SV2B: variants seen among roughly 807,000 people sequenced by gnomAD.
SV2B encodes the protein synaptic vesicle glycoprotein 2B, also known as solute carrier family 22 member B2.
In SV2B, 41 loss-of-function variants were observed where a neutral mutation model predicts 73.9. The ratio of observed to expected loss-of-function variants is 0.56; its 90% confidence interval spans 0.43 to 0.72. SV2B has a LOEUF of 0.72. Ranked by LOEUF, SV2B falls within the 30% of genes least tolerant of loss-of-function variation. The pLI is 0.00. For synonymous variants in SV2B, 314 were observed against 314.2 expected, an observed-to-expected ratio of 1.00 and a Z score of 0.01; for missense variants, 764 against 857.8, an observed-to-expected ratio of 0.89 and a Z score of 1.37.
intron 1 of SV2B, among the ~76,000 whole-genome samples, chr15:91,222,442 T>C (rs1355702606): frequency 6.6e-6 from 1 of 152,220 alleles, no homozygotes; most frequent in Admixed American, 6.5e-5. Context: ...TGTGTTGTTT[T>C]AATCTAACTC....
intron 1 of SV2B, among the ~76,000 whole-genome samples, chr15:91,138,251 C>T (rs72764726): frequency 0.11 from 17,122 of 152,268 alleles, 1,026 homozygotes; most frequent in Non-Finnish European, 0.12. Context: ...TGTATCTGCA[C>T]AGTCTAACGT....
chr15:91,226,088 G>A lies in SV2B; in HGVS notation c.-176G>A. ...TTTAGGTTGTCTTTGCACAAATCTG[G>A]TTGATTTGAGAGATAAAGGGGGGGG... On this transcript the variant is annotated 5_prime_UTR_variant, in exon 2 of 13. Transcript: ENST00000394232. The A allele has an allele frequency of 1.6e-6, 1 of 637,376 alleles. No individual in the cohort carries two copies. The highest frequency in any genetic ancestry group is 2.1e-5 in the South Asian group (1 of 47,320). The allele number at this position is 637,376 out of a possible 1,614,324, so 39.5% of individuals were successfully genotyped here.
intron 1 of SV2B, among the ~76,000 whole-genome samples, chr15:91,211,937 A>G (rs1596594451): frequency 1.3e-5 from 2 of 150,394 alleles, no homozygotes; most frequent in Admixed American, 6.7e-5. Flanking sequence ...CACTGCACCC[A>G]GATGTTCAGT....
intron 2 of SV2B, among the ~76,000 whole-genome samples, chr15:91,248,462 A>G (rs2078874): frequency 0.16 from 23,688 of 152,276 alleles, 1,878 homozygotes; most frequent in Non-Finnish European, 0.18. Context: ...CATTTTTAAA[A>G]AATTAATTTA....
Position 91,161,157 on chromosome 15 carries a change from A to G in SV2B, c.-392+60794A>G, listed in dbSNP as rs560747544. On this transcript the variant is annotated intron_variant, in intron 1 of 12. Transcript: ENST00000394232. ...CTTGGGGGCTGGAAAGACAGCAGAA[A>G]GTGACTGCAAACAGGCATGATGGAA... 4.6e-5 allele frequency among the ~76,000 whole-genome samples: 7 copies of G among 152,340 alleles called. No individual in the cohort carries two copies. The South Asian group carries it at 1.4e-3, about 32-fold the overall frequency.
At chr15:91,273,896 T>C (rs2048398408) in intron 9 of SV2B, among the ~76,000 whole-genome samples, 1 of 152,200 alleles carries the variant, frequency 6.6e-6, no homozygotes, top group South Asian at 2.1e-4. Flanking sequence ...ATGTGTATCA[T>C]AAACATTGTA....
In SV2B at chr15:91,268,695, A is replaced by G. The variant is rs2141691455; in HGVS notation, c.1373+90A>G. On this transcript the variant is annotated intron_variant, in intron 9 of 12. Transcript: ENST00000394232. This position sits in a 1 kb window ranked among gnomAD's most constrained non-coding sequence, Gnocchi z 4.4. Reference sequence around the variant, plus strand: ...GGAGCCGGAGGGAAGATAAGAATCAAATATGGCCGGGAATGAGCGCCAAGG... The same window carrying G: ...GGAGCCGGAGGGAAGATAAGAATCAGATATGGCCGGGAATGAGCGCCAAGG... The G allele has an allele frequency of 6.6e-7, 1 of 1,506,790 alleles. No individual in the cohort carries two copies. Among genetic ancestry groups the G allele is most frequent in the East Asian group, 2.3e-5 (1 of 43,598 alleles). 93.3% of individuals were successfully genotyped at this position (1,506,790 alleles called of 1,614,324 possible). A position where few individuals can be genotyped will look rare whatever the true frequency, so the allele number is the denominator to read the frequency against.
At chr15:91,250,115 A>T (rs959952130) in intron 2 of SV2B, among the ~76,000 whole-genome samples, 2 of 151,994 alleles carry the variant, frequency 1.3e-5, no homozygotes, top group South Asian at 4.2e-4. Context: ...ATAATCTTCT[A>T]CAAAATACTA....
chr15:91,226,457 A>G lies in SV2B; in HGVS notation c.194A>G (p.Lys65Arg), dbSNP rs781517515. The part of the protein sequence containing the change: ...HPDDVKAKQA[K>R]MAPSRMDSLR... ...GATGATGTCAAGGCCAAGCAGGCCA[A>G]GATGGCGCCCTCCAGAATGGACAGC... Residue 65 changes from lysine to arginine, a missense_variant, in exon 2 of 13, where the codon AAG (lysine) becomes AGG (arginine). Lys to Arg is a conservative substitution (Grantham distance 26, BLOSUM62 2). Coordinates refer to ENST00000394232, the MANE Select transcript of SV2B (RefSeq NM_001323032.3). The G allele has an allele frequency of 6.2e-7, 1 of 1,614,224 alleles. No homozygotes were observed. Among genetic ancestry groups the G allele is most frequent in the South Asian group, 1.1e-5 (1 of 91,088 alleles).
chr15:91,175,984 AC>A (rs1196425398), intron 1 of SV2B, among the ~76,000 whole-genome samples: 1 of 151,838 alleles, frequency 6.6e-6, no homozygotes, highest in Non-Finnish European at 1.5e-5. Flanking sequence ...GGTGTGCTGC[AC>A]CCATTAACTT....
intron 1 of SV2B, among the ~76,000 whole-genome samples, chr15:91,155,545 C>A (rs2043458590): frequency 6.6e-6 from 1 of 152,148 alleles, no homozygotes; most frequent in African/African-American, 2.4e-5. Flanking sequence ...CAGGAGAGGA[C>A]TTTCTGTCTG....
intron 1 of SV2B, among the ~76,000 whole-genome samples, chr15:91,153,691 G>T (rs2043389714): frequency 6.6e-6 from 1 of 152,130 alleles, no homozygotes; most frequent in South Asian, 2.1e-4. Context: ...GGGTCACAAA[G>T]GATGTCCATC....
chr15:91,164,143 A>T (rs1201837577), intron 1 of SV2B, among the ~76,000 whole-genome samples: 1 of 152,198 alleles, frequency 6.6e-6, no homozygotes, highest in Non-Finnish European at 1.5e-5. Context: ...TGGTACTAGT[A>T]GAATCAATAT....
At chr15:91,185,136 A>G (rs544573266) in intron 1 of SV2B, among the ~76,000 whole-genome samples, 4 of 152,308 alleles carry the variant, frequency 2.6e-5, no homozygotes, top group Admixed American at 2.6e-4. Flanking sequence ...CAGTGGTGCA[A>G]TCATGGCTCA....
intron 1 of SV2B, among the ~76,000 whole-genome samples, chr15:91,145,113 T>C (rs138197726): frequency 1.3e-5 from 2 of 152,328 alleles, no homozygotes; most frequent in South Asian, 2.1e-4. Flanking sequence ...CCATTAGTTA[T>C]TGTTCCTGAT....
chr15:91,131,693 T>C (rs780232218), intron 1 of SV2B, among the ~76,000 whole-genome samples: 1 of 151,238 alleles, frequency 6.6e-6, no homozygotes, highest in Non-Finnish European at 1.5e-5. Context: ...CTGAGTGTGG[T>C]GGCTCATGCC....
At chr15:91,269,150 C>A (rs2048211626) in intron 9 of SV2B, among the ~76,000 whole-genome samples, 1 of 151,998 alleles carries the variant, frequency 6.6e-6, no homozygotes, top group Non-Finnish European at 1.5e-5. Flanking sequence ...GTCCTGTTCA[C>A]AGCTTTGTGG....
At position 91,284,107 on chromosome 15, in the gene SV2B, C is replaced by G. The variant is rs748100066; in HGVS notation, c.1594C>G (p.Gln532Glu). Residue 532 changes from glutamine to glutamate, a missense_variant, in exon 11 of 13, where the codon CAA (glutamine) becomes GAA (glutamate). Physicochemically the swap from Gln to Glu is conservative, Grantham distance 29. Coordinates refer to ENST00000394232, the MANE Select transcript of SV2B (RefSeq NM_001323032.3). This position sits in a 1 kb window ranked among gnomAD's most constrained non-coding sequence, Gnocchi z 4.5. ...QKEGCHMDLE[Q>E]DNDFLIYLVS... is the part of the protein sequence containing the mutation. ...GGAGGGCTGCCACATGGACTTGGAG[C>G]AAGATAATGACTTCCTGATTTACCT... 1.2e-6 allele frequency: 2 copies of G among 1,614,172 alleles called. No homozygotes were observed. Among genetic ancestry groups the G allele is most frequent in the South Asian group, 2.2e-5 (2 of 91,076 alleles).
intron 1 of SV2B, among the ~76,000 whole-genome samples, chr15:91,215,602 A>G (rs2045998594): frequency 6.6e-6 from 1 of 152,218 alleles, no homozygotes; most frequent in African/African-American, 2.4e-5. Flanking sequence ...ATATAATATT[A>G]TGGATACTAT....
Sources: allele counts gnomAD v4.1 joint callset (sites outside exome capture counted in the v4.1 genomes callset), GRCh38; gene constraint gnomAD v4.1.1; non-coding constraint Gnocchi (gnomAD v3.1); transcripts MANE v1.5; gene names NCBI Gene and HGNC (gene_info 2026-07-23, HGNC 2026-07-21).